Variants in CNTN1 observed in about 807,000 individuals in gnomAD.
CNTN1 encodes the protein contactin-1.
A neutral mutation model predicts 126.4 loss-of-function variants in CNTN1; 38 were observed. The observed-to-expected ratio is 0.30, with a 90% CI of 0.23 to 0.39. The LOEUF (loss-of-function observed/expected upper bound fraction) is 0.39, where lower values mean the gene tolerates loss of function less well. Ranked by LOEUF, CNTN1 falls within the 10% of genes least tolerant of loss-of-function variation. The pLI, the probability that CNTN1 is intolerant of heterozygous loss-of-function variation, is 1.00. For synonymous variants in CNTN1, 413 were observed against 422.6 expected, an observed-to-expected ratio of 0.98 and a Z score of 0.28; for missense variants, 1,009 against 1,248.4, an observed-to-expected ratio of 0.81 and a Z score of 2.89.
chr12:40,741,200 C>T (rs1244962325), intron 1 of CNTN1, among the ~76,000 whole-genome samples: 10 of 152,068 alleles, frequency 6.6e-5, no homozygotes, highest in Admixed American at 5.9e-4. Context: ...CAATAAACTT[C>T]CTGGGATAGC....
chr12:40,967,759 ATTAG>A (rs1277952062), intron 15 of CNTN1, among the ~76,000 whole-genome samples: 1 of 151,946 alleles, frequency 6.6e-6, no homozygotes, highest in East Asian at 1.9e-4. Flanking sequence ...ATAAATGGCA[ATTAG>A]TTCATATTTT....
chr12:40,966,193 A>G (rs1005774754), intron 15 of CNTN1, among the ~76,000 whole-genome samples: 1 of 152,130 alleles, frequency 6.6e-6, no homozygotes, highest in African/African-American at 2.4e-5. Context: ...TATTTGGATA[A>G]TTGCCTCCAC....
intron 14 of CNTN1, among the ~76,000 whole-genome samples, chr12:40,944,388 A>C (rs965143249): frequency 6.6e-6 from 1 of 152,056 alleles, no homozygotes; most frequent in Admixed American, 6.6e-5. Flanking sequence ...AATATTAATC[A>C]ATTAATATTA....
chr12:40,742,923 G>GATT (rs1938009476), intron 1 of CNTN1, among the ~76,000 whole-genome samples: 2 of 152,166 alleles, frequency 1.3e-5, no homozygotes, highest in African/African-American at 2.4e-5. Context: ...CTCTGGATGA[G>GATT]ATTATTATTA....
chr12:40,929,357 A>C (rs117724740), intron 6 of CNTN1, among the ~76,000 whole-genome samples: 10,576 of 151,194 alleles, frequency 0.07, 616 homozygotes, highest in Admixed American at 0.17. Flanking sequence ...CACACACAAA[A>C]AAAAAAAGAT....
chr12:41,069,855 TG>T, intron 23 of CNTN1, 103 bp from the exon 24 acceptor site: 1 of 876,054 alleles, frequency 1.1e-6, no homozygotes, highest in South Asian at 1.3e-5. Flanking sequence ...AGGACCCATT[TG>T]TTTTCCAGGG....
intron 6 of CNTN1, among the ~76,000 whole-genome samples, chr12:40,929,351 CACAA>C (rs1209903959): frequency 6.8e-6 from 1 of 146,576 alleles, no homozygotes; most frequent in East Asian, 2.0e-4. Flanking sequence ...CACACACACA[CACAA>C]AAAAAAAAAG....
chr12:40,934,753 C>G (rs917036660), intron 9 of CNTN1, among the ~76,000 whole-genome samples: 1 of 152,056 alleles, frequency 6.6e-6, no homozygotes, highest in Non-Finnish European at 1.5e-5. Context: ...TTTTTCTTCT[C>G]TCTTAATTGC....
intron 14 of CNTN1, among the ~76,000 whole-genome samples, chr12:40,945,174 T>A (rs1036870198): frequency 2.6e-5 from 4 of 152,088 alleles, no homozygotes; most frequent in Non-Finnish European, 4.4e-5. Flanking sequence ...AATTATACTT[T>A]AAAGAATAAC....
Position 40,803,326 on chromosome 12 carries a change from A to G in CNTN1, c.-76-105031A>G, listed in dbSNP as rs913406599. On this transcript the variant is annotated intron_variant, in intron 1 of 23. Transcript: ENST00000551295. ...CTTAAAATGAGTTATTCATTTGTAA[A>G]CTGCCCGTTTGTGGGGAGGCATTGT... Among the ~76,000 whole-genome samples, 3 of 151,972 alleles carry G rather than the reference A, an allele frequency of 2.0e-5. No individual in the cohort carries two copies. In the Admixed American group the frequency reaches 2.0e-4, roughly 10 times the overall value.
In CNTN1 at chr12:40,965,988, CCTCAT is replaced by C. The variant is rs1159217750; in HGVS notation, c.1804+6756_1804+6760del. On this transcript the variant is annotated intron_variant, in intron 15 of 23. Coordinates refer to ENST00000551295, the MANE Select transcript of CNTN1 (RefSeq NM_001843.4). ...TTAAACAGGCGTGTAAGTATACACA[CCTCAT>C]CACACCACACACACACACACACACA... Among the ~76,000 whole-genome samples, 1,386 of 145,318 alleles carry C rather than the reference CCTCAT, an allele frequency of 9.5e-3. 25 individuals carry two copies. The highest frequency in any genetic ancestry group is 0.034 in the African/African-American group (1,324 of 38,496).
chr12:40,801,029 T>TTTTTA (rs1324923110), intron 1 of CNTN1, among the ~76,000 whole-genome samples: 104 of 150,680 alleles, frequency 6.9e-4, no homozygotes, highest in Non-Finnish European at 1.2e-3. Context: ...TTTTTTTTTT[T>TTTTTA]AAGATAGATT....
At chr12:40,942,072 A>G (rs1023990895) in intron 12 of CNTN1, among the ~76,000 whole-genome samples, 1 of 152,130 alleles carries the variant, frequency 6.6e-6, no homozygotes, top group Non-Finnish European at 1.5e-5. Context: ...TTAAGAAAGA[A>G]TCATCATTGT....
In CNTN1 at chr12:40,910,120, G is replaced by T; in HGVS notation, c.94+15G>T. On this transcript the variant is annotated intron_variant, in intron 3 of 23. Coordinates refer to ENST00000551295, the MANE Select transcript of CNTN1 (RefSeq NM_001843.4). ...TGGTCATGGAGGTAAGTTGACCAAA[G>T]AGTAGACCTTGTAAACATCTTTTCT... 1 of 1,585,530 alleles carries T rather than the reference G, an allele frequency of 6.3e-7. No homozygotes were observed. The highest frequency in any genetic ancestry group is 1.1e-5 in the South Asian group (1 of 90,254).
chr12:40,777,240 T>G (rs78185974), intron 1 of CNTN1, among the ~76,000 whole-genome samples: 1 of 102,906 alleles, frequency 9.7e-6, no homozygotes, highest in African/African-American at 3.5e-5. Context: ...AATTACTATG[T>G]TTTTTTTTTT....
At chr12:41,044,725 G>A (rs1000980833) in intron 23 of CNTN1, among the ~76,000 whole-genome samples, 1 of 152,036 alleles carries the variant, frequency 6.6e-6, no homozygotes, top group Non-Finnish European at 1.5e-5. Context: ...GGAAAAGGAC[G>A]TCAGAAATTA....
At chr12:40,795,340 CAA>C (rs1220264010) in intron 1 of CNTN1, among the ~76,000 whole-genome samples, 17 of 123,922 alleles carry the variant, frequency 1.4e-4, no homozygotes, top group African/African-American at 5.4e-4. Flanking sequence ...TTTTTTGAAA[CAA>C]AGTCTCGCTC....
rs10879423 is a variant in CNTN1 at position 40,958,377 on chromosome 12, G to A, written c.1684-737G>A. 3.7e-3 allele frequency among the ~76,000 whole-genome samples: 464 copies of A among 124,440 alleles called. 1 individual carries two copies. The highest frequency in any genetic ancestry group is 0.01 in the African/African-American group (370 of 36,016). The allele number at this position is 124,440 out of a possible 152,430, so 81.6% of individuals were successfully genotyped here. A position where few individuals can be genotyped will look rare whatever the true frequency, so the allele number is the denominator to read the frequency against. ...TGTGTGTGTGTGTGTGTGTGTGTGT[G>A]TGTATGTATGTATGTATGTATATAC... On this transcript the variant is annotated intron_variant, in intron 14 of 23. Coordinates refer to ENST00000551295, the MANE Select transcript of CNTN1 (RefSeq NM_001843.4).
intron 1 of CNTN1, among the ~76,000 whole-genome samples, chr12:40,707,207 C>T (rs1202654626): frequency 1.4e-5 from 2 of 141,410 alleles, no homozygotes; most frequent in Non-Finnish European, 1.5e-5. Context: ...TCCTTTTCCT[C>T]TTTCATTTCT....
Sources: gnomAD v4.1 joint callset for allele counts (sites outside exome capture counted in the v4.1 genomes callset) on GRCh38, gnomAD v4.1.1 for gene constraint, MANE v1.5 for transcripts, NCBI Gene and HGNC (gene_info 2026-07-23, HGNC 2026-07-21) for gene names.